Variants in MAGI2 observed in about 807,000 individuals in gnomAD.
MAGI2 encodes membrane-associated guanylate kinase, WW and PDZ domain-containing protein 2.
MAGI2 carries 35 observed loss-of-function variants against 133.3 expected under a neutral mutation model. The ratio of observed to expected loss-of-function variants is 0.26; its 90% CI spans 0.20 to 0.35. The LOEUF (loss-of-function observed/expected upper bound fraction) is 0.35, where lower values mean the gene tolerates loss of function less well. Ranked by LOEUF, MAGI2 falls within the 10% of genes least tolerant of loss-of-function variation. MAGI2 has a pLI of 1.00. For synonymous variants in MAGI2, 729 were observed against 710.6 expected, an observed-to-expected ratio of 1.03 and a Z score of -0.41; for missense variants, 1,636 against 1,863.4, an observed-to-expected ratio of 0.88 and a Z score of 2.25.
At chr7:79,024,960 C>T (rs1166801087) in intron 1 of MAGI2, among the ~76,000 whole-genome samples, 1 of 152,074 alleles carries the variant, frequency 6.6e-6, no homozygotes, top group Non-Finnish European at 1.5e-5. Context: ...TTTCAAGGAA[C>T]TTAAAATAGA....
rs957401291 is a variant in MAGI2, at chr7:78,596,012, C to G, written c.538+31108G>C. On this transcript the variant is annotated intron_variant, in intron 3 of 21. Transcript: ENST00000354212. ...TTGGGATCAAAATTGAGAATTTTCC[C>G]TATGATAAAATATGCTTCATAAGAA... Among the ~76,000 whole-genome samples the G allele has an allele frequency of 3.3e-5, 5 of 152,142 alleles. No homozygotes were observed. In the South Asian group the frequency reaches 6.2e-4, roughly 19 times the overall value.
chr7:79,409,366 T>C (rs1846007197), intron 1 of MAGI2, among the ~76,000 whole-genome samples: 1 of 151,948 alleles, frequency 6.6e-6, no homozygotes, highest in Non-Finnish European at 1.5e-5. Context: ...CTCAAGCCAC[T>C]CTCCTGCCTC....
intron 2 of MAGI2, among the ~76,000 whole-genome samples, chr7:78,651,662 T>C (rs536937449): frequency 1.3e-5 from 2 of 152,276 alleles, no homozygotes; most frequent in African/African-American, 4.8e-5. Context: ...ATATGTATAA[T>C]TATTGAACTT....
At chr7:78,070,652 T>C (rs1486807760) in intron 21 of MAGI2, among the ~76,000 whole-genome samples, 1 of 148,206 alleles carries the variant, frequency 6.7e-6, no homozygotes, top group East Asian at 2.0e-4. Context: ...ATATTTTTTT[T>C]TTTTTTTTAG....
intron 6 of MAGI2, among the ~76,000 whole-genome samples, chr7:78,400,412 G>A (rs1796750301): frequency 1.3e-5 from 2 of 152,154 alleles, no homozygotes; most frequent in South Asian, 4.2e-4. Flanking sequence ...ATAATATATT[G>A]TCAATCTTAA....
chr7:78,769,936 GA>G (rs911265105), intron 2 of MAGI2, among the ~76,000 whole-genome samples: 3 of 151,444 alleles, frequency 2.0e-5, no homozygotes, highest in African/African-American at 4.9e-5. Flanking sequence ...AGTCAAAGGG[GA>G]AAAAAAAGAG....
chr7:78,128,136 A>T (rs1418439480), intron 18 of MAGI2, among the ~76,000 whole-genome samples: 1 of 152,208 alleles, frequency 6.6e-6, no homozygotes, highest in Non-Finnish European at 1.5e-5. Flanking sequence ...AAAAATGTTT[A>T]TGTCCAACAT....
chr7:78,300,076 AG>A (rs1562783891), intron 9 of MAGI2, among the ~76,000 whole-genome samples: 1 of 152,216 alleles, frequency 6.6e-6, no homozygotes, highest in African/African-American at 2.4e-5. Context: ...CACTGACAAC[AG>A]TAGTATAAGC....
intron 20 of MAGI2, among the ~76,000 whole-genome samples, chr7:78,122,793 T>G (rs1820591562): frequency 6.6e-6 from 1 of 152,338 alleles, no homozygotes; most frequent in East Asian, 1.9e-4. Flanking sequence ...TCCTGATTTC[T>G]TACATTCCCT....
At chr7:79,072,538 T>C (rs543878392) in intron 1 of MAGI2, among the ~76,000 whole-genome samples, 2 of 152,140 alleles carry the variant, frequency 1.3e-5, no homozygotes, top group Middle Eastern at 3.2e-3. Flanking sequence ...GGTTGATGTA[T>C]GAGAAAGGTA....
chr7:79,427,386 TAATTA>T (rs898481256), intron 1 of MAGI2, among the ~76,000 whole-genome samples: 8 of 152,084 alleles, frequency 5.3e-5, no homozygotes, highest in African/African-American at 1.9e-4. Context: ...ATTAAAAAAT[TAATTA>T]AATTATTTTT....
chr7:78,460,466 C>T lies in MAGI2; in HGVS notation c.1045+29295G>A, dbSNP rs149818151. Among the ~76,000 whole-genome samples the T allele has an allele frequency of 2.3e-3, 343 of 152,166 alleles. 2 individuals are homozygous for T. Among genetic ancestry groups the T allele is most frequent in the African/African-American group, 7.0e-3 (290 of 41,512 alleles). The stretch of plus-strand genomic sequence containing the variant: ...TTAATGAATTGTGGCAAAATATTGC[C>T]ATTTAAGTTGCCAACACATGTCAGA... On this transcript the variant is annotated intron_variant, in intron 6 of 21. Coordinates refer to ENST00000354212, the MANE Select transcript of MAGI2 (RefSeq NM_012301.4).
chr7:79,196,203 T>TA (rs1446242508), intron 1 of MAGI2, among the ~76,000 whole-genome samples: 3 of 150,534 alleles, frequency 2.0e-5, no homozygotes, highest in African/African-American at 7.5e-5. Context: ...GGTAAATCCA[T>TA]AATTTCATGT....
At chr7:79,075,289 T>C (rs1316117951) in intron 1 of MAGI2, among the ~76,000 whole-genome samples, 1 of 152,140 alleles carries the variant, frequency 6.6e-6, no homozygotes, top group African/African-American at 2.4e-5. Flanking sequence ...AGAGCAATCA[T>C]GATTTGTCTC....
intron 2 of MAGI2, among the ~76,000 whole-genome samples, chr7:78,739,014 T>C (rs1400594507): frequency 3.3e-5 from 5 of 152,180 alleles, no homozygotes; most frequent in Admixed American, 2.6e-4. Context: ...ATTTGGACAA[T>C]GCATGAAAAG....
intron 1 of MAGI2, chr7:79,411,964 T>C (rs1472689146): frequency 2.6e-5 from 4 of 152,038 alleles, no homozygotes; most frequent in Non-Finnish European, 5.9e-5. Context: ...AAAAATTGAA[T>C]ACTATATATG....
intron 1 of MAGI2, among the ~76,000 whole-genome samples, chr7:79,275,643 T>C (rs1426209917): frequency 6.6e-6 from 1 of 152,132 alleles, no homozygotes; most frequent in African/African-American, 2.4e-5. Flanking sequence ...GAAGATGTCA[T>C]CTAGGACTTT....
chr7:79,411,306 C>G (rs961296884), intron 1 of MAGI2: 1 of 152,126 alleles, frequency 6.6e-6, no homozygotes, highest in Admixed American at 6.5e-5. Context: ...ATCAGCTGAC[C>G]TTTAAATAGG....
chr7:78,130,739 AG>A (rs1821483096), intron 18 of MAGI2, among the ~76,000 whole-genome samples: 1 of 152,246 alleles, frequency 6.6e-6, no homozygotes, highest in Admixed American at 6.5e-5. Context: ...ATGTAGTAGT[AG>A]AAGAAGCAAA....
Sources: allele counts gnomAD v4.1 joint callset (sites outside exome capture counted in the v4.1 genomes callset), GRCh38; gene constraint gnomAD v4.1.1; transcripts MANE v1.5; gene names NCBI Gene and HGNC (gene_info 2026-07-23, HGNC 2026-07-21).